MCUB: variants seen among roughly 807,000 people sequenced by gnomAD.
MCUB encodes the protein mitochondrial calcium uniporter dominant negative subunit beta, also known as calcium uniporter regulatory subunit MCUb, mitochondrial.
A neutral mutation model predicts 41.4 loss-of-function variants in MCUB; 46 were observed. That is an observed-to-expected ratio of 1.11 (90% CI 0.88 to 1.42). The LOEUF is 1.42. Ranked by LOEUF, MCUB falls within the 40% of genes most tolerant of loss-of-function variation. MCUB has a pLI of 0.00. For missense variants in MCUB, 403 were observed against 404.9 expected, an observed-to-expected ratio of 1.00 and a Z score of 0.04; for synonymous variants, 148 against 148.2, an observed-to-expected ratio of 1.00 and a Z score of 0.01.
At chr4:109,617,346 C>A (rs1424269678) in intron 1 of MCUB, among the ~76,000 whole-genome samples, 2 of 152,254 alleles carry the variant, frequency 1.3e-5, no homozygotes, top group Middle Eastern at 6.8e-3. Flanking sequence ...GTATACTACA[C>A]GTTTTTAGCA....
intron 4 of MCUB, among the ~76,000 whole-genome samples, chr4:109,678,653 C>T (rs1418441730): frequency 6.8e-6 from 1 of 147,506 alleles, no homozygotes; most frequent in Non-Finnish European, 1.5e-5. Context: ...CAGAGGCGCT[C>T]CTCACCTCTC....
At chr4:109,609,041 T>C (rs9993676) in intron 1 of MCUB, among the ~76,000 whole-genome samples, 79,475 of 151,996 alleles carry the variant, frequency 0.52, 21,178 homozygotes, top group South Asian at 0.69. Flanking sequence ...TGTTATCTTC[T>C]GTTGCTTTCT....
intron 4 of MCUB, among the ~76,000 whole-genome samples, chr4:109,678,348 A>C (rs1203220404): frequency 6.6e-6 from 1 of 151,800 alleles, no homozygotes; most frequent in African/African-American, 2.4e-5. Context: ...GCTGTTGGGT[A>C]CACCTCCCAG....
At chr4:109,567,334 A>G (rs1379811530) in intron 1 of MCUB, among the ~76,000 whole-genome samples, 4 of 152,052 alleles carry the variant, frequency 2.6e-5, no homozygotes, top group African/African-American at 9.7e-5. Flanking sequence ...TATCTATTTG[A>G]TAAGTCCTTC....
At chr4:109,620,631 A>G (rs1233719749) in intron 1 of MCUB, among the ~76,000 whole-genome samples, 1 of 151,794 alleles carries the variant, frequency 6.6e-6, no homozygotes, top group African/African-American at 2.4e-5. Context: ...GCCTCTGTGC[A>G]TTAATGATCC....
At position 109,682,883 on chromosome 4, in the gene MCUB, C is replaced by CT. The variant is rs1386585761; in HGVS notation, c.612+145dup. The CT allele has an allele frequency of 8.4e-6, 5 of 594,884 alleles. No individual in the cohort carries two copies. In the Admixed American group the frequency reaches 9.8e-5, roughly 12 times the overall value. 36.9% of individuals were successfully genotyped at this position (594,884 alleles called of 1,614,324 possible). On this transcript the variant is annotated intron_variant, in intron 5 of 7. Transcript: ENST00000394650. ...TCACAAAAAACCTGTAAGTTCAGTGCTTTTATCTTCCTCATTTTTCAGATG... is the reference window on the plus strand; with the variant it reads ...TCACAAAAAACCTGTAAGTTCAGTGCTTTTTATCTTCCTCATTTTTCAGATG...
chr4:109,569,472 C>A (rs895869003), intron 1 of MCUB, among the ~76,000 whole-genome samples: 2 of 147,028 alleles, frequency 1.4e-5, no homozygotes, highest in African/African-American at 5.0e-5. Flanking sequence ...GACTGCCTGG[C>A]ATATAAGTAT....
intron 1 of MCUB, among the ~76,000 whole-genome samples, chr4:109,614,830 C>T (rs1262490268): frequency 6.6e-6 from 1 of 151,996 alleles, no homozygotes; most frequent in Non-Finnish European, 1.5e-5. Flanking sequence ...TTGTACAAGT[C>T]CAAGTCTTTG....
intron 1 of MCUB, among the ~76,000 whole-genome samples, chr4:109,618,079 G>A (rs372334429): frequency 1.3e-5 from 2 of 152,136 alleles, no homozygotes; most frequent in East Asian, 3.8e-4. Flanking sequence ...TCCATTGCTG[G>A]TGTTTCATCT....
chr4:109,580,762 G>T (rs1435945555), intron 1 of MCUB, among the ~76,000 whole-genome samples: 1 of 152,152 alleles, frequency 6.6e-6, no homozygotes, highest in Non-Finnish European at 1.5e-5. Flanking sequence ...GTTCTTTGTA[G>T]ATTCTGGATA....
intron 1 of MCUB, among the ~76,000 whole-genome samples, chr4:109,648,226 G>T (rs1181932783): frequency 6.6e-6 from 1 of 152,090 alleles, no homozygotes; most frequent in Non-Finnish European, 1.5e-5. Context: ...GAAGGAAAGA[G>T]AGAGAGAAGG....
At chr4:109,664,089 G>A (rs1316354718) in intron 3 of MCUB, among the ~76,000 whole-genome samples, 3 of 152,194 alleles carry the variant, frequency 2.0e-5, no homozygotes, top group East Asian at 3.8e-4. Context: ...GTTCCATTTC[G>A]TCCAAGGAAA....
chr4:109,570,056 C>G (rs1726879058), intron 1 of MCUB, among the ~76,000 whole-genome samples: 1 of 152,196 alleles, frequency 6.6e-6, no homozygotes, highest in Non-Finnish European at 1.5e-5. Context: ...CATACTATTT[C>G]TGGTTAAAAA....
chr4:109,585,129 T>C (rs1727275303), intron 1 of MCUB, among the ~76,000 whole-genome samples: 1 of 152,208 alleles, frequency 6.6e-6, no homozygotes, highest in Non-Finnish European at 1.5e-5. Context: ...ATCTGGGTGC[T>C]CCTGTATTGG....
intron 1 of MCUB, among the ~76,000 whole-genome samples, chr4:109,603,759 C>A (rs1339093587): frequency 6.6e-6 from 1 of 151,218 alleles, no homozygotes; most frequent in Non-Finnish European, 1.5e-5. Flanking sequence ...GCTGCCCCGT[C>A]TGGGAGGTGG....
At chr4:109,595,777 GAGATTGT>G (rs1410118895) in intron 1 of MCUB, among the ~76,000 whole-genome samples, 5 of 152,288 alleles carry the variant, frequency 3.3e-5, no homozygotes, top group Admixed American at 2.6e-4. Flanking sequence ...TAGAATGGAG[GAGATTGT>G]AGGGTCATCT....
intron 1 of MCUB, among the ~76,000 whole-genome samples, chr4:109,579,062 A>C (rs984922513): frequency 2.0e-5 from 3 of 152,114 alleles, no homozygotes; most frequent in Non-Finnish European, 2.9e-5. Context: ...GATACACTAT[A>C]CAGGGCATTG....
At chr4:109,599,709 C>T (rs1022538768) in intron 1 of MCUB, among the ~76,000 whole-genome samples, 1 of 151,770 alleles carries the variant, frequency 6.6e-6, no homozygotes, top group African/African-American at 2.4e-5. Flanking sequence ...CTCGCTCTGT[C>T]GCCCAGGCTG....
chr4:109,672,148 T>C (rs1408666700), intron 4 of MCUB, among the ~76,000 whole-genome samples: 2 of 152,192 alleles, frequency 1.3e-5, no homozygotes, highest in African/African-American at 4.8e-5. Context: ...TAGCCTCTTT[T>C]ATTCTCCTGT....
Sources: allele counts gnomAD v4.1 joint callset (sites outside exome capture counted in the v4.1 genomes callset), GRCh38; gene constraint gnomAD v4.1.1; transcripts MANE v1.5; gene names NCBI Gene and HGNC (gene_info 2026-07-23, HGNC 2026-07-21).